The following SLC44A5 variants were observed in gnomAD, a reference collection of about 807,000 sequenced individuals.
SLC44A5 encodes the protein solute carrier family 44 member 5.
In SLC44A5, 57 loss-of-function variants were observed where a neutral mutation model predicts 101.8. That is an observed-to-expected ratio of 0.56 (90% CI 0.45 to 0.70). The LOEUF is 0.70. Ranked by LOEUF, SLC44A5 falls within the 30% of genes least tolerant of loss-of-function variation. SLC44A5 has a pLI of 0.00. For synonymous variants in SLC44A5, 281 were observed against 290.9 expected (o/e 0.97, Z 0.35); for missense variants, 737 against 853.1 (o/e 0.86, Z 1.70).
At chr1:75,211,596 A>G (rs954392574) in intron 22 of SLC44A5, 44 bp from the exon 23 acceptor site, 10 of 1,380,258 alleles carry the variant, frequency 7.2e-6, no homozygotes, top group Non-Finnish European at 8.2e-6. Context: ...ATTTACTTTG[A>G]CCAGAAGAAG....
intron 2 of SLC44A5, among the ~76,000 whole-genome samples, chr1:75,408,760 T>C (rs1237508321): frequency 2.0e-5 from 3 of 152,092 alleles, no homozygotes; most frequent in Non-Finnish European, 2.9e-5. Flanking sequence ...CTAATGTAGA[T>C]GATGGGTTGA....
chr1:75,257,542 C>T (rs75670984), intron 6 of SLC44A5, among the ~76,000 whole-genome samples: 2,030 of 152,186 alleles, frequency 0.013, 57 homozygotes, highest in African/African-American at 0.046. Context: ...AGAGGCTTTC[C>T]GATGCAGGAA....
chr1:75,454,993 T>C (rs1322669457), intron 2 of SLC44A5, among the ~76,000 whole-genome samples: 1 of 151,578 alleles, frequency 6.6e-6, no homozygotes, highest in Non-Finnish European at 1.5e-5. Flanking sequence ...TATCACACTA[T>C]CATCTTCACA....
At chr1:75,677,890 G>A in the SLC44A5 span, 6 of 330,814 alleles carry the variant, frequency 1.8e-5, no homozygotes, top group South Asian at 8.9e-5. Flanking sequence ...AGTGGGCGCA[G>A]GTCAGTGGGT....
intron 3 of SLC44A5, among the ~76,000 whole-genome samples, chr1:75,348,891 T>C (rs1305090426): frequency 6.6e-6 from 1 of 152,098 alleles, no homozygotes; most frequent in Non-Finnish European, 1.5e-5. Flanking sequence ...ATGAAGCAAA[T>C]TGAATCAAGA....
At chr1:75,222,301 A>T (rs868380420) in intron 14 of SLC44A5, 60 bp downstream of exon 14, 1 of 1,215,892 alleles carries the variant, frequency 8.2e-7, no homozygotes, top group Non-Finnish European at 1.2e-6. Flanking sequence ...TATGCAAGGG[A>T]CAGTGACTGA....
rs1432254275 is a variant in SLC44A5, at chr1:75,242,976, G to A, written c.381C>T (p.Thr127=). The stretch of plus-strand genomic sequence containing the variant: ...TGTACAAAAGTTGCATTTCCACATA[G>A]GTTAAAAATTTTTCTGGGCACTTGG... ...CVSKCPEKFL[T]YVEMQLLYTK... The change falls in exon 8 of 24, where the codon ACC becomes ACT. Residue 127 remains threonine (T), a synonymous_variant. Transcript: ENST00000370859. 9 of 1,612,132 alleles carry A rather than the reference G, an allele frequency of 5.6e-6. No homozygotes were observed. Among genetic ancestry groups the A allele is most frequent in the African/African-American group, 1.3e-5 (1 of 74,752 alleles).
chr1:75,641,398 T>C, the SLC44A5 span: 100 of 1,000,252 alleles, frequency 1.0e-4, 1 homozygote, highest in Middle Eastern at 1.7e-3. Flanking sequence ...ATGAGCTTGA[T>C]TTTTGTACAT....
At chr1:75,271,551 G>A (rs1651481792) in intron 6 of SLC44A5, among the ~76,000 whole-genome samples, 1 of 149,340 alleles carries the variant, frequency 6.7e-6, no homozygotes, top group Non-Finnish European at 1.5e-5. Context: ...TCACTTATAA[G>A]TAAGAACACA....
At chr1:75,475,099 G>A (rs1046445160) in intron 2 of SLC44A5, among the ~76,000 whole-genome samples, 1 of 152,192 alleles carries the variant, frequency 6.6e-6, no homozygotes, top group Non-Finnish European at 1.5e-5. Context: ...CTTGCCCTCT[G>A]TGGCATTTAT....
chr1:75,700,914 A>G, the SLC44A5 span, among the ~76,000 whole-genome samples: 947 of 152,280 alleles, frequency 6.2e-3, 3 homozygotes, highest in Non-Finnish European at 8.8e-3. Flanking sequence ...TAAAAGAAAT[A>G]GATAAATTCC....
chr1:75,366,589 A>G (rs1433394626), intron 3 of SLC44A5, among the ~76,000 whole-genome samples: 4 of 152,148 alleles, frequency 2.6e-5, no homozygotes, highest in African/African-American at 9.7e-5. Flanking sequence ...GGACGTTTTC[A>G]GCCATTATTT....
intron 2 of SLC44A5, among the ~76,000 whole-genome samples, chr1:75,423,590 T>C (rs1442612861): frequency 6.6e-6 from 1 of 152,224 alleles, no homozygotes; most frequent in Admixed American, 6.5e-5. Flanking sequence ...CTATTAAAGA[T>C]TGGAGAAGCA....
At chr1:75,386,706 C>T (rs1443098737) in intron 3 of SLC44A5, among the ~76,000 whole-genome samples, 1 of 151,890 alleles carries the variant, frequency 6.6e-6, no homozygotes, top group Non-Finnish European at 1.5e-5. Flanking sequence ...TTGGAAAAAA[C>T]TACTTTAAAG....
chr1:75,271,944 A>C (rs1021204513), intron 6 of SLC44A5, among the ~76,000 whole-genome samples: 5 of 152,070 alleles, frequency 3.3e-5, no homozygotes, highest in Non-Finnish European at 7.4e-5. Flanking sequence ...CTATGTAAAA[A>C]TGTTCCCTTT....
chr1:75,244,189 CAGTT>C, intron 7 of SLC44A5, among the ~76,000 whole-genome samples: 1 of 152,136 alleles, frequency 6.6e-6, no homozygotes, highest in East Asian at 1.9e-4. Context: ...CAGAGTAAGA[CAGTT>C]AGAAGACACT....
At chr1:75,458,008 G>A (rs1295368223) in intron 2 of SLC44A5, among the ~76,000 whole-genome samples, 1 of 152,120 alleles carries the variant, frequency 6.6e-6, no homozygotes, top group Non-Finnish European at 1.5e-5. Flanking sequence ...CCCTCAATAA[G>A]TTTACAATCT....
chr1:75,615,436 T>TACACACACACAC (rs56337760), upstream of SLC44A5, among the ~76,000 whole-genome samples: 284 of 133,556 alleles, frequency 2.1e-3, no homozygotes, highest in African/African-American at 6.1e-3. Context: ...CACACATACA[T>TACACACACACAC]ACACACACAC....
intron 4 of SLC44A5, among the ~76,000 whole-genome samples, chr1:75,305,211 T>A (rs528020981): frequency 6.6e-6 from 1 of 152,318 alleles, no homozygotes; most frequent in South Asian, 2.1e-4. Flanking sequence ...TGTTAGCTTA[T>A]CTTTTATATT....
Sources: gnomAD v4.1 joint callset for allele counts (sites outside exome capture counted in the v4.1 genomes callset) on GRCh38, gnomAD v4.1.1 for gene constraint, MANE v1.5 for transcripts, NCBI Gene and HGNC (gene_info 2026-07-23, HGNC 2026-07-21) for gene names.